Variants in ZFPM2 observed in about 807,000 individuals in gnomAD.
ZFPM2 encodes zinc finger protein ZFPM2.
ZFPM2 carries 20 observed loss-of-function variants against 98.6 expected under a neutral mutation model. That is an observed-to-expected ratio of 0.20 (90% CI 0.14 to 0.29). The LOEUF (loss-of-function observed/expected upper bound fraction) is 0.29. ZFPM2 is among the 10% of genes least tolerant of loss of function. The pLI, the probability that ZFPM2 is intolerant of heterozygous loss-of-function variation, is 1.00. For missense variants in ZFPM2, 1,310 were observed against 1,388.6 expected, an observed-to-expected ratio of 0.94 and a Z score of 0.90; for synonymous variants, 518 against 502.7, an observed-to-expected ratio of 1.03 and a Z score of -0.41.
At chr8:105,735,169 A>G (rs1812039788) in intron 5 of ZFPM2, among the ~76,000 whole-genome samples, 2 of 149,162 alleles carry the variant, frequency 1.3e-5, no homozygotes, top group Non-Finnish European at 1.5e-5. Flanking sequence ...ATATAGATCT[A>G]TATAGATAAA....
At chr8:105,528,400 C>A (rs1409373313) in intron 3 of ZFPM2, among the ~76,000 whole-genome samples, 1 of 151,862 alleles carries the variant, frequency 6.6e-6, no homozygotes, top group Non-Finnish European at 1.5e-5. Context: ...TCTGAAGGGT[C>A]ATTAGGAGTT....
intron 3 of ZFPM2, among the ~76,000 whole-genome samples, chr8:105,503,645 G>C (rs564216821): frequency 6.6e-6 from 1 of 152,218 alleles, no homozygotes; most frequent in East Asian, 1.9e-4. Context: ...ACCAGAGTGT[G>C]CCATGAAAGC....
intron 1 of ZFPM2, among the ~76,000 whole-genome samples, chr8:105,340,239 G>T (rs1292889729): frequency 6.6e-6 from 1 of 151,858 alleles, no homozygotes; most frequent in African/African-American, 2.4e-5. Context: ...AAATGGGCCA[G>T]TATAACTACA....
intron 3 of ZFPM2, among the ~76,000 whole-genome samples, chr8:105,471,658 T>C (rs1168184406): frequency 6.6e-6 from 1 of 152,192 alleles, no homozygotes; most frequent in Non-Finnish European, 1.5e-5. Flanking sequence ...AGGAGGTTGA[T>C]GGTACGCAAG....
At chr8:105,650,880 A>C (rs1292658723) in intron 5 of ZFPM2, among the ~76,000 whole-genome samples, 3 of 152,228 alleles carry the variant, frequency 2.0e-5, no homozygotes, top group Admixed American at 6.5e-5. Flanking sequence ...GATGTCTATT[A>C]GGTCCGCTTG....
intron 4 of ZFPM2, chr8:105,616,588 C>T (rs1247991776): frequency 2.8e-5 from 7 of 252,106 alleles, no homozygotes. Flanking sequence ...TAAATGTGCA[C>T]TTACTGTGTT....
At chr8:105,388,576 A>G (rs567934680) in intron 1 of ZFPM2, among the ~76,000 whole-genome samples, 2 of 152,322 alleles carry the variant, frequency 1.3e-5, no homozygotes, top group South Asian at 4.1e-4. Context: ...AGCTCCGACT[A>G]CATGCGGGCA....
At chr8:105,533,999 CCTTCCTTCCTT>C (rs1202230495) in intron 3 of ZFPM2, among the ~76,000 whole-genome samples, 1 of 37,832 alleles carries the variant, frequency 2.6e-5, no homozygotes, top group African/African-American at 1.6e-4. Flanking sequence ...CTCCCTCTCT[CCTTCCTTCCTT>C]CCTCCCTTCT....
intron 5 of ZFPM2, among the ~76,000 whole-genome samples, chr8:105,749,766 G>C (rs73305097): frequency 0.12 from 17,866 of 151,954 alleles, 1,641 homozygotes; most frequent in East Asian, 0.27. Flanking sequence ...AGGTGGAAGG[G>C]AAAAGGAGGA....
chr8:105,619,384 T>C (rs1287816446), intron 4 of ZFPM2, among the ~76,000 whole-genome samples: 1 of 152,082 alleles, frequency 6.6e-6, no homozygotes, highest in Admixed American at 6.6e-5. Context: ...TTATTATTAA[T>C]ATATTGTGAA....
chr8:105,798,684 T>C lies in ZFPM2; in HGVS notation c.740-40T>C, dbSNP rs777275359. On this transcript the variant is annotated intron_variant, in intron 6 of 7. Coordinates refer to ENST00000407775, the MANE Select transcript of ZFPM2 (RefSeq NM_012082.4). ...TGCTTTACCCACAGTTGGTTTCAAA[T>C]GGACAGCAGCAAATGTGTCTCTTGT... 4 of 1,561,642 alleles carry C rather than the reference T, an allele frequency of 2.6e-6. No homozygotes were observed. The Admixed American group carries it at 7.4e-5, about 29-fold the overall frequency.
intron 1 of ZFPM2, among the ~76,000 whole-genome samples, chr8:105,330,170 G>A (rs1812184749): frequency 6.7e-6 from 1 of 150,372 alleles, no homozygotes; most frequent in African/African-American, 2.4e-5. Context: ...AATTTGGACA[G>A]CCTGCATTTG....
chr8:105,670,840 G>A (rs1007901355), intron 5 of ZFPM2, among the ~76,000 whole-genome samples: 3 of 152,122 alleles, frequency 2.0e-5, no homozygotes, highest in African/African-American at 7.2e-5. Context: ...AAATATATTA[G>A]CTAGAGATTG....
intron 2 of ZFPM2, among the ~76,000 whole-genome samples, chr8:105,427,000 G>A (rs1330298503): frequency 2.6e-5 from 4 of 152,024 alleles, no homozygotes; most frequent in Non-Finnish European, 5.9e-5. Context: ...ATCTCATGAG[G>A]TTGAAAAAAT....
At chr8:105,649,000 C>T (rs1346672620) in intron 5 of ZFPM2, among the ~76,000 whole-genome samples, 2 of 152,120 alleles carry the variant, frequency 1.3e-5, no homozygotes, top group African/African-American at 4.8e-5. Context: ...TTGATTCTTC[C>T]AATCCATGAG....
At chr8:105,358,311 T>A (rs1293712310) in intron 1 of ZFPM2, among the ~76,000 whole-genome samples, 1 of 151,780 alleles carries the variant, frequency 6.6e-6, no homozygotes, top group Non-Finnish European at 1.5e-5. Flanking sequence ...TGGAGTGCAG[T>A]GGCATGATCT....
At chr8:105,710,451 T>C (rs929972734) in intron 5 of ZFPM2, among the ~76,000 whole-genome samples, 2 of 152,092 alleles carry the variant, frequency 1.3e-5, no homozygotes, top group African/African-American at 4.8e-5. Flanking sequence ...CATTCCTAAT[T>C]TGTAAGCAGA....
At chr8:105,546,829 C>T (rs762410261) in intron 3 of ZFPM2, among the ~76,000 whole-genome samples, 16 of 152,104 alleles carry the variant, frequency 1.1e-4, no homozygotes, top group African/African-American at 3.9e-4. Flanking sequence ...TTATTGAATC[C>T]TAGGAGTATA....
chr8:105,531,837 A>G, intron 3 of ZFPM2, among the ~76,000 whole-genome samples: 1 of 152,150 alleles, frequency 6.6e-6, no homozygotes, highest in South Asian at 2.1e-4. Flanking sequence ...GAAACAAAGA[A>G]CTTTTCTGCT....
Sources: gnomAD v4.1 joint callset for allele counts (sites outside exome capture counted in the v4.1 genomes callset) on GRCh38, gnomAD v4.1.1 for gene constraint, MANE v1.5 for transcripts, NCBI Gene and HGNC (gene_info 2026-07-23, HGNC 2026-07-21) for gene names.